IQCM: variants seen among roughly 807,000 people sequenced by gnomAD.
The protein encoded by IQCM is IQ domain-containing protein M.
IQCM carries 45 observed loss-of-function variants against 57.6 expected under a neutral mutation model. The observed-to-expected ratio is 0.78, with a 90% CI of 0.62 to 1.00. The LOEUF is 1.00. IQCM is among the 50% of genes least tolerant of loss of function. The pLI is 0.00. For synonymous variants in IQCM, 148 were observed against 158.9 expected, an observed-to-expected ratio of 0.93 and a Z score of 0.51; for missense variants, 468 against 511.6, an observed-to-expected ratio of 0.91 and a Z score of 0.82.
chr4:149,777,913 G>A (rs1312175104), intron 2 of IQCM, among the ~76,000 whole-genome samples: 1 of 151,904 alleles, frequency 6.6e-6, no homozygotes, highest in African/African-American at 2.4e-5. Flanking sequence ...ACCAACAGAT[G>A]CAGACCAAAA....
intron 12 of IQCM, among the ~76,000 whole-genome samples, chr4:149,502,899 G>T (rs1260418813): frequency 6.6e-6 from 1 of 151,830 alleles, no homozygotes; most frequent in Non-Finnish European, 1.5e-5. Context: ...GCTATGTGTT[G>T]TTCCTAAACA....
intron 12 of IQCM, among the ~76,000 whole-genome samples, chr4:149,478,364 G>A (rs942059941): frequency 6.6e-6 from 1 of 152,134 alleles, no homozygotes; most frequent in African/African-American, 2.4e-5. Context: ...AGACTCCCAT[G>A]TTCTGAAAGT....
intron 12 of IQCM, among the ~76,000 whole-genome samples, chr4:149,462,399 C>A (rs906205472): frequency 6.6e-6 from 1 of 152,140 alleles, no homozygotes; most frequent in Non-Finnish European, 1.5e-5. Flanking sequence ...GAAGGCCAAG[C>A]CCACTGTCCT....
chr4:149,722,286 T>G (rs1164756454), intron 5 of IQCM, among the ~76,000 whole-genome samples: 1 of 151,936 alleles, frequency 6.6e-6, no homozygotes, highest in Non-Finnish European at 1.5e-5. Flanking sequence ...AGGACAGCAG[T>G]TTTTTAGTTT....
chr4:149,671,584 A>G (rs551535021), intron 7 of IQCM, among the ~76,000 whole-genome samples: 4 of 152,098 alleles, frequency 2.6e-5, no homozygotes, highest in Non-Finnish European at 5.9e-5. Context: ...TGTCAATTTT[A>G]GATCTTTCCT....
chr4:149,697,515 C>G (rs144867438), intron 5 of IQCM, among the ~76,000 whole-genome samples: 31 of 152,180 alleles, frequency 2.0e-4, no homozygotes, highest in African/African-American at 7.2e-4. Context: ...AATATTTATA[C>G]CCTGGGAGTC....
chr4:149,663,300 T>G (rs1760389300), intron 7 of IQCM, among the ~76,000 whole-genome samples: 1 of 152,018 alleles, frequency 6.6e-6, no homozygotes, highest in Non-Finnish European at 1.5e-5. Context: ...TACTTTAAAC[T>G]TTTATACTAG....
At chr4:149,486,443 T>C (rs1264666117) in intron 12 of IQCM, among the ~76,000 whole-genome samples, 1 of 152,080 alleles carries the variant, frequency 6.6e-6, no homozygotes, top group African/African-American at 2.4e-5. Context: ...ACTGGGGTTC[T>C]GTTCACTTAA....
chr4:149,489,985 T>C (rs147729253), intron 12 of IQCM, among the ~76,000 whole-genome samples: 43 of 152,068 alleles, frequency 2.8e-4, no homozygotes, highest in African/African-American at 9.4e-4. Context: ...GCTTTAAAAA[T>C]CCAACATTAG....
At chr4:149,673,492 A>G (rs1425789704) in intron 7 of IQCM, among the ~76,000 whole-genome samples, 2 of 152,172 alleles carry the variant, frequency 1.3e-5, no homozygotes, top group East Asian at 1.9e-4. Flanking sequence ...GATAAAACAG[A>G]CTTTAAACCA....
intron 2 of IQCM, among the ~76,000 whole-genome samples, chr4:149,774,445 C>G (rs80304131): frequency 0.023 from 3,437 of 152,192 alleles, 130 homozygotes; most frequent in African/African-American, 0.079. Flanking sequence ...ACATGTTCCT[C>G]GCGACATGGC....
chr4:149,455,746 A>C (rs113785282), intron 12 of IQCM, among the ~76,000 whole-genome samples: 1 of 152,056 alleles, frequency 6.6e-6, no homozygotes, highest in African/African-American at 2.4e-5. Flanking sequence ...TGGGAGGAAC[A>C]CTTGAGGCCA....
At chr4:149,716,510 G>T (rs868812197) in intron 5 of IQCM, among the ~76,000 whole-genome samples, 2 of 152,130 alleles carry the variant, frequency 1.3e-5, no homozygotes, top group Non-Finnish European at 2.9e-5. Context: ...CTGCAGCTGC[G>T]CCAAAGAAGG....
chr4:149,490,764 T>C (rs1184616049), intron 12 of IQCM, among the ~76,000 whole-genome samples: 1 of 152,004 alleles, frequency 6.6e-6, no homozygotes, highest in African/African-American at 2.4e-5. Context: ...CCCATGAAAA[T>C]TTCATTCTTT....
Position 149,492,098 on chromosome 4 carries a change from C to T in IQCM, c.1228+56357G>A, listed in dbSNP as rs181628206. On this transcript the variant is annotated intron_variant, in intron 12 of 13. Coordinates refer to ENST00000636793, the MANE Select transcript of IQCM (RefSeq NM_001363507.2). ...CAGATCTTCTGCCCATTTTCTTAATCTGGTGTTTTGTTTTCAAATTCTTGA... is the reference window on the plus strand; with the variant it reads ...CAGATCTTCTGCCCATTTTCTTAATTTGGTGTTTTGTTTTCAAATTCTTGA... 3.7e-4 allele frequency among the ~76,000 whole-genome samples: 57 copies of T among 152,056 alleles called. 2 individuals are homozygous for T. The highest frequency in any genetic ancestry group is 1.3e-3 in the African/African-American group (54 of 41,506).
intron 2 of IQCM, among the ~76,000 whole-genome samples, chr4:149,808,997 A>G (rs983219976): frequency 6.6e-6 from 1 of 152,196 alleles, no homozygotes; most frequent in African/African-American, 2.4e-5. Flanking sequence ...ATTTTGAAAA[A>G]ATAAGAACTA....
At chr4:149,529,663 T>C (rs1746535706) in intron 12 of IQCM, among the ~76,000 whole-genome samples, 1 of 152,150 alleles carries the variant, frequency 6.6e-6, no homozygotes, top group South Asian at 2.1e-4. Flanking sequence ...CCAAAGGTTA[T>C]AAAATGCTCC....
intron 13 of IQCM, among the ~76,000 whole-genome samples, chr4:149,391,904 T>G (rs537260855): frequency 6.6e-6 from 1 of 152,120 alleles, no homozygotes; most frequent in Admixed American, 6.6e-5. Context: ...ATTTGGTCTA[T>G]GCTGAAGAAT....
chr4:149,572,799 G>C (rs973493303), intron 9 of IQCM, among the ~76,000 whole-genome samples: 6 of 151,840 alleles, frequency 4.0e-5, no homozygotes, highest in African/African-American at 1.5e-4. Context: ...ATAGAAATAA[G>C]GCACCATTTT....
Sources: gnomAD v4.1 joint callset for allele counts (sites outside exome capture counted in the v4.1 genomes callset) on GRCh38, gnomAD v4.1.1 for gene constraint, MANE v1.5 for transcripts, NCBI Gene and HGNC (gene_info 2026-07-23, HGNC 2026-07-21) for gene names.